KCNIP4: variants seen among roughly 807,000 people sequenced by gnomAD.
KCNIP4 encodes potassium voltage-gated channel interacting protein 4, also known as Kv channel-interacting protein 4.
KCNIP4 carries 12 observed loss-of-function variants against 34.0 expected under a neutral mutation model. The ratio of observed to expected loss-of-function variants is 0.35; its 90% CI spans 0.23 to 0.57. The LOEUF is 0.57. Among genes scored for constraint, KCNIP4 ranks in the 20% least tolerant of loss-of-function variants. The probability of loss-of-function intolerance (pLI) is 0.83; values close to 1 mark genes in which losing one functional copy is unlikely to be tolerated. For synonymous variants in KCNIP4, 124 were observed against 102.2 expected, an observed-to-expected ratio of 1.21 and a Z score of -1.29; for missense variants, 238 against 311.7, an observed-to-expected ratio of 0.76 and a Z score of 1.78.
At chr4:21,383,394 G>A (rs1309542278) in intron 1 of KCNIP4, among the ~76,000 whole-genome samples, 1 of 151,422 alleles carries the variant, frequency 6.6e-6, no homozygotes, top group African/African-American at 2.4e-5. Context: ...CTTTGATAAG[G>A]GGAATATAAG....
chr4:20,794,405 G>C (rs779987048), intron 3 of KCNIP4, among the ~76,000 whole-genome samples: 7 of 152,174 alleles, frequency 4.6e-5, no homozygotes, highest in Non-Finnish European at 7.3e-5. Flanking sequence ...GCAAGCTGTA[G>C]ACCAGTATCA....
At chr4:21,656,247 T>A (rs1747918195) in intron 1 of KCNIP4, among the ~76,000 whole-genome samples, 1 of 152,170 alleles carries the variant, frequency 6.6e-6, no homozygotes, top group Non-Finnish European at 1.5e-5. Flanking sequence ...CCACATGGCA[T>A]CCCTCCTGTG....
intron 1 of KCNIP4, among the ~76,000 whole-genome samples, chr4:21,742,211 G>A: frequency 6.6e-6 from 1 of 152,248 alleles, no homozygotes; most frequent in East Asian, 1.9e-4. Context: ...CACTTCCAAT[G>A]TTTTTGTTGT....
At chr4:21,560,912 C>T (rs546608094) in intron 1 of KCNIP4, among the ~76,000 whole-genome samples, 2 of 151,960 alleles carry the variant, frequency 1.3e-5, no homozygotes, top group African/African-American at 2.4e-5. Flanking sequence ...AAAAATGAGG[C>T]CTTGTATTTG....
chr4:21,578,351 A>C (rs1272399493), intron 1 of KCNIP4, among the ~76,000 whole-genome samples: 4 of 150,108 alleles, frequency 2.7e-5, no homozygotes, highest in African/African-American at 1.0e-4. Context: ...AAAAAAAAAA[A>C]AAAAAAAGAG....
At chr4:21,430,572 A>G (rs898118689) in intron 1 of KCNIP4, among the ~76,000 whole-genome samples, 1 of 152,146 alleles carries the variant, frequency 6.6e-6, no homozygotes, top group Non-Finnish European at 1.5e-5. Context: ...TTTTAAAAAT[A>G]TCACTCAAGT....
At chr4:20,739,278 C>A (rs891694261) in intron 5 of KCNIP4, among the ~76,000 whole-genome samples, 1 of 152,216 alleles carries the variant, frequency 6.6e-6, no homozygotes, top group African/African-American at 2.4e-5. Context: ...AGACAGACTG[C>A]CTCCTCAAGT....
intron 1 of KCNIP4, among the ~76,000 whole-genome samples, chr4:21,183,584 C>T (rs1755004232): frequency 6.6e-6 from 1 of 151,572 alleles, no homozygotes; most frequent in African/African-American, 2.4e-5. Flanking sequence ...TTTATATTTC[C>T]ACCAAAAGTG....
intron 1 of KCNIP4, among the ~76,000 whole-genome samples, chr4:21,345,314 T>C (rs1487009800): frequency 1.3e-5 from 2 of 152,128 alleles, no homozygotes; most frequent in African/African-American, 2.4e-5. Flanking sequence ...CACTCAAGCA[T>C]TGAGTTGACT....
At chr4:21,190,075 G>A (rs778692070) in intron 1 of KCNIP4, among the ~76,000 whole-genome samples, 3 of 152,186 alleles carry the variant, frequency 2.0e-5, no homozygotes, top group Non-Finnish European at 2.9e-5. Flanking sequence ...ATTTCTGTGG[G>A]AGTGTTGATG....
At chr4:21,458,631 A>C (rs1729170844) in intron 1 of KCNIP4, among the ~76,000 whole-genome samples, 1 of 151,988 alleles carries the variant, frequency 6.6e-6, no homozygotes, top group Non-Finnish European at 1.5e-5. Context: ...CAGGTCTCAC[A>C]TTAACTTCCT....
intron 1 of KCNIP4, among the ~76,000 whole-genome samples, chr4:21,817,788 G>C (rs770202726): frequency 3.1e-4 from 47 of 152,104 alleles, no homozygotes; most frequent in Non-Finnish European, 6.3e-4. Flanking sequence ...TGATCAGACT[G>C]GTTCTCTGCT....
intron 1 of KCNIP4, among the ~76,000 whole-genome samples, chr4:21,147,939 C>CAAAAAAAAAAAAAAAA (rs377562727): frequency 1.1e-3 from 34 of 30,992 alleles, no homozygotes; most frequent in Non-Finnish European, 1.2e-3. Flanking sequence ...AACTCCGTCT[C>CAAAAAAAAAAAAAAAA]AAAAAAAAAA....
chr4:21,213,880 A>G (rs1757392245), intron 1 of KCNIP4, among the ~76,000 whole-genome samples: 1 of 152,104 alleles, frequency 6.6e-6, no homozygotes. Flanking sequence ...CATGCCTCAA[A>G]AAATCCTTGA....
chr4:21,765,491 G>A (rs910143028), intron 1 of KCNIP4, among the ~76,000 whole-genome samples: 7 of 152,002 alleles, frequency 4.6e-5, no homozygotes, highest in Non-Finnish European at 8.8e-5. Context: ...TGGGGGAAAA[G>A]TGGTCAATTT....
At chr4:21,397,115 A>C (rs534480194) in intron 1 of KCNIP4, among the ~76,000 whole-genome samples, 5 of 152,342 alleles carry the variant, frequency 3.3e-5, no homozygotes, top group African/African-American at 1.2e-4. Flanking sequence ...ATAAAAAATA[A>C]AAAGAAGAAT....
intron 1 of KCNIP4, among the ~76,000 whole-genome samples, chr4:21,228,632 A>G (rs1442161977): frequency 1.3e-5 from 2 of 152,124 alleles, no homozygotes; most frequent in Admixed American, 1.3e-4. Context: ...ACACCAGGGA[A>G]TATCTTTTAG....
intron 1 of KCNIP4, among the ~76,000 whole-genome samples, chr4:21,430,731 C>T (rs1217698083): frequency 7.2e-6 from 1 of 139,296 alleles, no homozygotes; most frequent in Non-Finnish European, 1.5e-5. Flanking sequence ...AAATCTGAGT[C>T]TCAGAGAGGC....
intron 1 of KCNIP4, among the ~76,000 whole-genome samples, chr4:21,472,262 T>G (rs1488207085): frequency 6.6e-6 from 1 of 151,966 alleles, no homozygotes; most frequent in Non-Finnish European, 1.5e-5. Flanking sequence ...AAGCATTACC[T>G]CCATTTCCCA....
Sources: allele counts gnomAD v4.1 joint callset (sites outside exome capture counted in the v4.1 genomes callset), GRCh38; gene constraint gnomAD v4.1.1; transcripts MANE v1.5; gene names NCBI Gene and HGNC (gene_info 2026-07-23, HGNC 2026-07-21).